The following PI16 variants were observed in gnomAD, a reference collection of about 807,000 sequenced individuals.
PI16 encodes peptidase inhibitor 16.
A neutral mutation model predicts 38.0 loss-of-function variants in PI16; 35 were observed. The ratio of observed to expected loss-of-function variants is 0.92; its 90% CI spans 0.70 to 1.22. The LOEUF is 1.22. Among genes scored for constraint, PI16 ranks in the 50% most tolerant of loss-of-function variants. The pLI is 0.00. For synonymous variants in PI16, 275 were observed against 252.9 expected (o/e 1.09, Z -0.83); for missense variants, 572 against 593.8 (o/e 0.96, Z 0.38).
intron 1 of PI16, among the ~76,000 whole-genome samples, chr6:36,955,892 C>A (rs1207965269): frequency 3.9e-5 from 6 of 152,160 alleles, no homozygotes. Context: ...TCCTGCCCTC[C>A]CTGAGGGCTG....
At position 36,960,653 on chromosome 6, in the gene PI16, C is replaced by G. The variant is rs1407575738; in HGVS notation, c.394-798C>G. 3.6e-4 allele frequency among the ~76,000 whole-genome samples: 52 copies of G among 144,872 alleles called. No homozygotes were observed. The East Asian group carries it at 4.7e-3, about 13-fold the overall frequency. ...CTCCCTCTCCCTCCACCCCCCCCCT[C>G]CCTCTACCCCCACCCACTTGCTCCT... On this transcript the variant is annotated intron_variant, in intron 2 of 6. Transcript: ENST00000373674.
chr6:36,954,823 C>G lies in PI16; in HGVS notation c.63C>G (p.Thr21=). 2 of 1,614,162 alleles carry G rather than the reference C, an allele frequency of 1.2e-6. No homozygotes were observed. Among genetic ancestry groups the G allele is most frequent in the East Asian group, 4.5e-5 (2 of 44,880 alleles). ...CGCTACTGCTACTGCTGGTGGCCAC[C>G]ACAGGCCCCGTTGGAGCCCTCACAG... is the stretch of plus-strand genomic sequence containing the variant. ...LLPLLLLLVA[T]TGPVGALTDE... The change falls in exon 1 of 7, where the codon ACC becomes ACG. Residue 21 remains threonine (T), a synonymous_variant. Coordinates refer to ENST00000373674, the MANE Select transcript of PI16 (RefSeq NM_153370.3).
chr6:36,963,320 A>C lies in PI16; in HGVS notation c.978A>C (p.Thr326=), dbSNP rs746046895. The part of the protein sequence containing the change: ...PKSADKVTDK[T]KVPSRSPENS... ...CAGCAGACAAAGTGACAGACAAAAC[A>C]AAAGTGCCCTCTAGGAGCCCAGAGA... The change falls in exon 5 of 7, where the codon ACA becomes ACC. Residue 326 remains threonine (T), a synonymous_variant. Coordinates refer to ENST00000373674, the MANE Select transcript of PI16 (RefSeq NM_153370.3). 3 of 1,614,096 alleles carry C rather than the reference A, an allele frequency of 1.9e-6. No homozygotes were observed. The South Asian group carries it at 3.3e-5, about 18-fold the overall frequency.
In PI16 at chr6:36,961,473, G is replaced by A; in HGVS notation, c.416G>A (p.Arg139Lys). Reference sequence around the variant, plus strand: ...CAGGTGGTATGGGCCAAGACAGAGAGGATCGGCTGTGGTTCCCACTTCTGT... The same window carrying A: ...CAGGTGGTATGGGCCAAGACAGAGAAGATCGGCTGTGGTTCCCACTTCTGT... ...YTQVVWAKTERIGCGSHFCEK... is the reference protein window; with the variant it reads ...YTQVVWAKTEKIGCGSHFCEK... Residue 139 changes from arginine to lysine, a missense_variant, in exon 3 of 7, where the codon AGG (arginine) becomes AAG (lysine). Physicochemically the swap from Arg to Lys is conservative, Grantham distance 26. Coordinates refer to ENST00000373674, the MANE Select transcript of PI16 (RefSeq NM_153370.3). 6.2e-7 allele frequency: 1 copy of A among 1,614,184 alleles called. No individual in the cohort carries two copies. Among genetic ancestry groups the A allele is most frequent in the African/African-American group, 1.3e-5 (1 of 75,050 alleles).
At position 36,949,702 on chromosome 6, in the gene PI16, C is replaced by T. The variant is rs529311762; in HGVS notation, c.-82+1298C>T. Among the ~76,000 whole-genome samples the T allele has an allele frequency of 1.4e-4, 22 of 152,290 alleles. 1 individual carries two copies. Among genetic ancestry groups the T allele is most frequent in the South Asian group, 1.0e-3 (5 of 4,826 alleles). On this transcript the variant is annotated intron_variant, in intron 1 of 7. Coordinates refer to the PI16 transcript ENST00000611814. ...TCTACCCCCTAAGTCTTCCTTCTCC[C>T]CTTTTCAGCTACCCATTTATTTGCA...
At chr6:36,953,058 A>C (rs1376894404), upstream of PI16, among the ~76,000 whole-genome samples, 1 of 152,144 alleles carries the variant, frequency 6.6e-6, no homozygotes, top group Admixed American at 6.5e-5. Flanking sequence ...AGTGGCTCAC[A>C]CCTGTAATCC....
rs1201803641 is a variant in PI16, at chr6:36,964,812, A to C, written c.*445A>C. The C allele has an allele frequency of 2.6e-5, 4 of 152,250 alleles. No individual in the cohort carries two copies. Among genetic ancestry groups the C allele is most frequent in the African/African-American group, 9.7e-5 (4 of 41,430 alleles). The allele number at this position is 152,250 out of a possible 1,614,324, so 9.4% of individuals were successfully genotyped here. ...AAGGAAAGTAACTCCTGACTCTCCA[A>C]TAAAAACCTGTCCAACCTGTGGCAA... On this transcript the variant is annotated 3_prime_UTR_variant, in exon 7 of 7. Transcript: ENST00000373674.
In PI16 at chr6:36,963,604, C is replaced by T. The variant is rs1177730618; in HGVS notation, c.1262C>T (p.Ser421Phe). 1 of 1,613,608 alleles carries T rather than the reference C, an allele frequency of 6.2e-7. No individual in the cohort carries two copies. Among genetic ancestry groups the T allele is most frequent in the African/African-American group, 1.3e-5 (1 of 75,054 alleles). ...TGGRALALQS[S>F]LPGAEGPDKP... ...GGGCGTGCCCTGGCTCTGCAGTCGT[C>T]CTTGCCAGGTAAGGCCCATAGCATC... is the stretch of plus-strand genomic sequence containing the variant. The change falls in exon 5 of 7, where the codon TCC becomes TTC. Residue 421 changes from serine (S) to phenylalanine (F), a missense_variant. Physicochemically the swap from Ser to Phe is radical, Grantham distance 155. Transcript: ENST00000373674.
chr6:36,963,072 T>A lies in PI16; in HGVS notation c.730T>A (p.Leu244Met). 6.2e-7 allele frequency: 1 copy of A among 1,614,250 alleles called. No individual in the cohort carries two copies. The highest frequency in any genetic ancestry group is 8.5e-7 in the Non-Finnish European group (1 of 1,180,052). Residue 244 changes from leucine (L) to methionine (M), a missense_variant, in exon 5 of 7, where the codon TTG becomes ATG. Coordinates refer to ENST00000373674, the MANE Select transcript of PI16 (RefSeq NM_153370.3). ...SSLATGIPAFLVTEVSGSLAT... is the reference protein window; with the variant it reads ...SSLATGIPAFMVTEVSGSLAT... The stretch of plus-strand genomic sequence containing the variant: ...CCTAGCAACGGGGATTCCGGCTTTC[T>A]TGGTAACAGAGGTCTCAGGCTCCCT...
chr6:36,961,799 T>C, intron 3 of PI16, 87 bp from the exon 4 acceptor site: 1 of 1,201,054 alleles, frequency 8.3e-7, no homozygotes, highest in Non-Finnish European at 1.2e-6. Flanking sequence ...CCAAGGGCAT[T>C]TCCAGAGTAG....
Position 36,963,382 on chromosome 6 carries a change from G to A in PI16, c.1040G>A (p.Arg347Lys). 1.9e-6 allele frequency: 3 copies of A among 1,614,180 alleles called. No homozygotes were observed. The highest frequency in any genetic ancestry group is 2.5e-6 in the Non-Finnish European group (3 of 1,180,018). ...LDPKMSLTGARELLPHAQEEA... is the reference protein window; with the variant it reads ...LDPKMSLTGAKELLPHAQEEA... ...CCCAAGATGTCCCTGACAGGGGCAA[G>A]GGAACTCCTACCCCATGCCCAGGAG... Residue 347 changes from arginine to lysine, a missense_variant, in exon 5 of 7, where the codon AGG becomes AAG. Physicochemically the swap from Arg to Lys is conservative, Grantham distance 26. Coordinates refer to ENST00000373674, the MANE Select transcript of PI16 (RefSeq NM_153370.3).
chr6:36,961,512 GTGT>G lies in PI16; in HGVS notation c.458_460del (p.Val153del). On this transcript the variant is annotated inframe_deletion, in exon 3 of 7. Coordinates refer to ENST00000373674, the MANE Select transcript of PI16 (RefSeq NM_153370.3). ...TCCCACTTCTGTGAGAAGCTCCAGG[GTGT>G]TGAGGAGACCAACATCGAATTACTG... 2 of 1,614,210 alleles carry G rather than the reference GTGT, an allele frequency of 1.2e-6. No individual in the cohort carries two copies. The highest frequency in any genetic ancestry group is 1.7e-6 in the Non-Finnish European group (2 of 1,180,030).
chr6:36,955,010 C>A, intron 1 of PI16, 79 bp downstream of exon 1: 2 of 1,475,580 alleles, frequency 1.4e-6, no homozygotes, highest in East Asian at 2.5e-5. Flanking sequence ...TCTTACCCTG[C>A]TCCTCATGCT....
chr6:36,963,744 A>C (rs1583240353), intron 5 of PI16, 79 bp from the exon 6 acceptor site: 1 of 1,529,176 alleles, frequency 6.5e-7, no homozygotes, highest in South Asian at 1.3e-5. Context: ...CTGCTGCCCC[A>C]CCTCCTTGCA....
chr6:36,962,877 A>G lies in PI16; in HGVS notation c.593-58A>G. The G allele has an allele frequency of 6.8e-7, 1 of 1,465,532 alleles. No homozygotes were observed. Among genetic ancestry groups the G allele is most frequent in the South Asian group, 1.3e-5 (1 of 77,898 alleles). 90.8% of individuals were successfully genotyped at this position (1,465,532 alleles called of 1,614,324 possible). ...GTCGCGTCACTTGGTTTGCAGTGCC[A>G]TGAGAGATGTGGGGTCCTGCTTGCA... On this transcript the variant is annotated intron_variant, in intron 4 of 6. Transcript: ENST00000373674. This position sits in a 1 kb window ranked among gnomAD's most constrained non-coding sequence, Gnocchi z 4.1.
At chr6:36,960,467 C>A (rs544582059) in intron 2 of PI16, among the ~76,000 whole-genome samples, 8 of 152,068 alleles carry the variant, frequency 5.3e-5, no homozygotes, top group African/African-American at 1.9e-4. Flanking sequence ...AACCAACCAT[C>A]TTCCCACCCA....
upstream of PI16, chr6:36,954,726 C>T: frequency 2.5e-6 from 4 of 1,591,926 alleles, no homozygotes; most frequent in South Asian, 3.4e-5. Context: ...AGCTGCCAGA[C>T]CCCTGGACGG....
At chr6:36,959,601 C>T (rs937206712) in intron 2 of PI16, among the ~76,000 whole-genome samples, 1 of 152,210 alleles carries the variant, frequency 6.6e-6, no homozygotes, top group Admixed American at 6.5e-5. Flanking sequence ...GGCCAGGCGC[C>T]GTAGCTCACC....
At chr6:36,961,647 G>C in intron 3 of PI16, 87 bp downstream of exon 3, 1 of 1,232,136 alleles carries the variant, frequency 8.1e-7, no homozygotes, top group Non-Finnish European at 1.2e-6. Context: ...CAGCCTGAGG[G>C]AGTGGGAGGA....
Sources: gnomAD v4.1 joint callset for allele counts (sites outside exome capture counted in the v4.1 genomes callset) on GRCh38, gnomAD v4.1.1 for gene constraint, Gnocchi (gnomAD v3.1) non-coding constraint, MANE v1.5 for transcripts, NCBI Gene and HGNC (gene_info 2026-07-23, HGNC 2026-07-21) for gene names.